The following TENM3 variants were observed in gnomAD, a reference collection of about 807,000 sequenced individuals.
TENM3 encodes teneurin transmembrane protein 3.
Under a neutral mutation model 255.1 loss-of-function variants are expected in TENM3, and 63 were observed. The ratio of observed to expected loss-of-function variants is 0.25; its 90% CI spans 0.20 to 0.30. The LOEUF (loss-of-function observed/expected upper bound fraction) is 0.30, where lower values mean the gene tolerates loss of function less well. TENM3 is among the 10% of genes least tolerant of loss of function. TENM3 has a pLI of 1.00. For synonymous variants in TENM3, 1,306 were observed against 1,322.3 expected (o/e 0.99, Z 0.27); for missense variants, 2,929 against 3,461.1 (o/e 0.85, Z 3.86).
chr4:181,986,389 G>A, the TENM3 span, among the ~76,000 whole-genome samples: 1 of 151,854 alleles, frequency 6.6e-6, no homozygotes, highest in African/African-American at 2.4e-5. Context: ...CATTTCTCCA[G>A]CATGTTCAGT....
chr4:181,887,631 C>T, the TENM3 span, among the ~76,000 whole-genome samples: 4 of 152,280 alleles, frequency 2.6e-5, no homozygotes, highest in East Asian at 1.9e-4. Flanking sequence ...ACATTCTTCA[C>T]GACAAAATTT....
chr4:181,878,691 TC>T, the TENM3 span, among the ~76,000 whole-genome samples: 1 of 152,094 alleles, frequency 6.6e-6, no homozygotes, highest in African/African-American at 2.4e-5. Flanking sequence ...ATATAATCCT[TC>T]CGTCTGTCTA....
chr4:181,901,924 T>A, the TENM3 span, among the ~76,000 whole-genome samples: 9 of 152,282 alleles, frequency 5.9e-5, no homozygotes, highest in African/African-American at 1.9e-4. Context: ...CAAGTTCTTT[T>A]TCCCCTCTTC....
intron 5 of TENM3, among the ~76,000 whole-genome samples, chr4:182,647,106 A>T (rs1368958718): frequency 1.3e-5 from 2 of 152,186 alleles, no homozygotes; most frequent in African/African-American, 2.4e-5. Flanking sequence ...ATACAGTAAG[A>T]TGCTGGTCAC....
chr4:182,773,682 C>A, intron 23 of TENM3, 35 bp downstream of exon 23: 1 of 1,583,128 alleles, frequency 6.3e-7, no homozygotes, highest in African/African-American at 1.3e-5. Context: ...ACAAGTACCA[C>A]CAGCACCCAG....
chr4:182,660,753 A>G (rs1425625016), intron 6 of TENM3, among the ~76,000 whole-genome samples: 2 of 152,236 alleles, frequency 1.3e-5, no homozygotes, highest in Non-Finnish European at 2.9e-5. Context: ...ACATTTGTCT[A>G]ATGAGCACTT....
At chr4:182,216,554 G>C (rs1755482083) in intron 1 of TENM3, among the ~76,000 whole-genome samples, 2 of 152,188 alleles carry the variant, frequency 1.3e-5, no homozygotes, top group African/African-American at 4.8e-5. Flanking sequence ...TCATCACCAA[G>C]CCTACCTGAA....
At chr4:181,906,020 C>G in the TENM3 span, 49 of 455,676 alleles carry the variant, frequency 1.1e-4, no homozygotes, top group East Asian at 2.7e-3. Context: ...TATCTCGTAA[C>G]AGTGACAAGC....
the TENM3 span, among the ~76,000 whole-genome samples, chr4:181,456,163 ATG>A: frequency 0.7 from 102,364 of 146,700 alleles, 35,608 homozygotes; most frequent in Non-Finnish European, 0.74. Context: ...GTGTGTACAC[ATG>A]TGTGTGTATA....
the TENM3 span, among the ~76,000 whole-genome samples, chr4:181,688,959 A>C: frequency 1.3e-5 from 2 of 152,134 alleles, no homozygotes; most frequent in African/African-American, 4.8e-5. Context: ...CAGAGTGAGG[A>C]TATATCAAAT....
chr4:181,878,647 G>C, the TENM3 span, among the ~76,000 whole-genome samples: 177 of 152,024 alleles, frequency 1.2e-3, no homozygotes, highest in African/African-American at 4.0e-3. Flanking sequence ...TTAATAAGAT[G>C]ATGGCTCATC....
chr4:182,650,354 C>G (rs1238772706), intron 5 of TENM3, among the ~76,000 whole-genome samples: 2 of 150,314 alleles, frequency 1.3e-5, no homozygotes, highest in African/African-American at 4.8e-5. Context: ...CATGCCTAAA[C>G]CAAGGATCCT....
At chr4:181,880,701 A>T in the TENM3 span, among the ~76,000 whole-genome samples, 3 of 152,128 alleles carry the variant, frequency 2.0e-5, no homozygotes, top group Non-Finnish European at 4.4e-5. Context: ...GTAAGCTCTA[A>T]CTCCTACCCT....
intron 1 of TENM3, among the ~76,000 whole-genome samples, chr4:182,184,493 GTT>G (rs3071525): frequency 0.76 from 95,441 of 126,344 alleles, 36,076 homozygotes; most frequent in Non-Finnish European, 0.83. Context: ...GCATGGTTGA[GTT>G]TTTTTTTTTT....
intron 12 of TENM3, among the ~76,000 whole-genome samples, chr4:182,690,504 C>A (rs965157265): frequency 1.6e-4 from 24 of 152,164 alleles, no homozygotes; most frequent in Admixed American, 1.5e-3. Flanking sequence ...TTCCCTCATT[C>A]TTTGTGACTC....
intron 4 of TENM3, among the ~76,000 whole-genome samples, chr4:182,612,783 A>G (rs994655578): frequency 1.3e-5 from 2 of 152,154 alleles, no homozygotes; most frequent in African/African-American, 2.4e-5. Flanking sequence ...GGAATTTTGT[A>G]AAGTTAAAGT....
At chr4:181,538,248 A>G in the TENM3 span, among the ~76,000 whole-genome samples, 159 of 152,270 alleles carry the variant, frequency 1.0e-3, 1 homozygote, top group South Asian at 2.1e-3. Flanking sequence ...AGCTCTCACA[A>G]TACGATCGGT....
At chr4:182,670,431 C>A (rs189319938) in intron 6 of TENM3, among the ~76,000 whole-genome samples, 1 of 152,298 alleles carries the variant, frequency 6.6e-6, no homozygotes, top group East Asian at 1.9e-4. Context: ...TCTAGTACAA[C>A]CCTCTTCTGC....
intron 6 of TENM3, among the ~76,000 whole-genome samples, chr4:182,659,046 A>C (rs566186851): frequency 4.6e-5 from 7 of 152,362 alleles, no homozygotes; most frequent in African/African-American, 1.7e-4. Flanking sequence ...TCAGGAAGTC[A>C]GCAAGGTCAG....
Sources: allele counts gnomAD v4.1 joint callset (sites outside exome capture counted in the v4.1 genomes callset), GRCh38; gene constraint gnomAD v4.1.1; transcripts MANE v1.5; gene names NCBI Gene and HGNC (gene_info 2026-07-23, HGNC 2026-07-21).